Variants in GPC6 observed in about 807,000 individuals in gnomAD.
The protein encoded by GPC6 is glypican 6.
GPC6 carries 14 observed loss-of-function variants against 55.2 expected under a neutral mutation model. The observed-to-expected ratio is 0.25, with a 90% confidence interval of 0.17 to 0.40. The LOEUF (loss-of-function observed/expected upper bound fraction) is 0.40. Among genes scored for constraint, GPC6 ranks in the 10% least tolerant of loss-of-function variants. GPC6 has a pLI of 1.00. For synonymous variants in GPC6, 278 were observed against 259.6 expected, an observed-to-expected ratio of 1.07 and a Z score of -0.68; for missense variants, 641 against 708.5, an observed-to-expected ratio of 0.90 and a Z score of 1.08.
At chr13:93,683,078 A>G (rs1881913265) in intron 2 of GPC6, among the ~76,000 whole-genome samples, 1 of 152,094 alleles carries the variant, frequency 6.6e-6, no homozygotes, top group African/African-American at 2.4e-5. Flanking sequence ...TAAATCCTTA[A>G]TTTCCATGTA....
intron 2 of GPC6, among the ~76,000 whole-genome samples, chr13:93,673,235 T>C (rs1484693272): frequency 6.6e-6 from 1 of 152,182 alleles, no homozygotes; most frequent in Non-Finnish European, 1.5e-5. Flanking sequence ...CTGCTCTCTA[T>C]GGCAAAATGC....
intron 2 of GPC6, among the ~76,000 whole-genome samples, chr13:93,647,988 G>A (rs566343040): frequency 2.6e-5 from 4 of 152,210 alleles, no homozygotes; most frequent in African/African-American, 9.6e-5. Flanking sequence ...CCTTGGAATG[G>A]GCTGTAAGGA....
At chr13:94,300,363 T>C (rs999298650) in intron 5 of GPC6, among the ~76,000 whole-genome samples, 2 of 152,230 alleles carry the variant, frequency 1.3e-5, no homozygotes, top group Non-Finnish European at 2.9e-5. Flanking sequence ...TAAGATGCCC[T>C]AATATTTTTA....
At chr13:94,257,572 G>A (rs1441198263) in intron 4 of GPC6, among the ~76,000 whole-genome samples, 2 of 152,062 alleles carry the variant, frequency 1.3e-5, no homozygotes, top group African/African-American at 4.8e-5. Context: ...TCTCCCCCTA[G>A]TATTCCCTCA....
intron 4 of GPC6, among the ~76,000 whole-genome samples, chr13:94,133,550 T>A: frequency 6.6e-6 from 1 of 152,108 alleles, no homozygotes; most frequent in Non-Finnish European, 1.5e-5. Flanking sequence ...ATAGAGAGCA[T>A]AGGGTAAATA....
At chr13:94,113,041 T>C (rs1886306739) in intron 4 of GPC6, among the ~76,000 whole-genome samples, 1 of 152,118 alleles carries the variant, frequency 6.6e-6, no homozygotes, top group African/African-American at 2.4e-5. Context: ...TCATAAAATG[T>C]TTTTTGAAAG....
At chr13:93,993,295 CT>C (rs545224527) in intron 3 of GPC6, among the ~76,000 whole-genome samples, 291 of 139,724 alleles carry the variant, frequency 2.1e-3, no homozygotes, top group Admixed American at 2.1e-3. Flanking sequence ...TTCTTTCTTT[CT>C]TTTTTTTTTT....
intron 1 of GPC6, among the ~76,000 whole-genome samples, chr13:93,313,752 G>A (rs1879152545): frequency 6.6e-6 from 1 of 151,906 alleles, no homozygotes; most frequent in Non-Finnish European, 1.5e-5. Context: ...CTATAGCCTA[G>A]AATTTCTGGG....
intron 4 of GPC6, among the ~76,000 whole-genome samples, chr13:94,037,273 G>A (rs1005349287): frequency 8.6e-5 from 13 of 151,708 alleles, no homozygotes; most frequent in South Asian, 8.3e-4. Flanking sequence ...TAAAATGTTC[G>A]GCAAGTTCTT....
intron 6 of GPC6, among the ~76,000 whole-genome samples, chr13:94,370,563 A>G (rs964296218): frequency 2.0e-4 from 30 of 152,180 alleles, no homozygotes; most frequent in Admixed American, 1.2e-3. Flanking sequence ...TATTTAACCA[A>G]TGTTTTGGAA....
At chr13:94,132,813 G>T (rs9589910) in intron 4 of GPC6, among the ~76,000 whole-genome samples, 40,575 of 152,030 alleles carry the variant, frequency 0.27, 5,580 homozygotes, top group Non-Finnish European at 0.29. Context: ...ACCAAATACC[G>T]CCTCAGGACC....
chr13:93,936,587 A>T (rs1296540591), intron 3 of GPC6, among the ~76,000 whole-genome samples: 1 of 152,190 alleles, frequency 6.6e-6, no homozygotes, highest in East Asian at 1.9e-4. Flanking sequence ...AATTTTAATT[A>T]CATTATGCAC....
intron 3 of GPC6, among the ~76,000 whole-genome samples, chr13:93,884,003 C>T (rs1875161777): frequency 1.3e-5 from 2 of 152,066 alleles, no homozygotes; most frequent in Non-Finnish European, 2.9e-5. Context: ...TAACAAAAGA[C>T]ACCGAAGTTT....
chr13:93,712,869 T>C (rs1480463549), intron 2 of GPC6, among the ~76,000 whole-genome samples: 1 of 151,614 alleles, frequency 6.6e-6, no homozygotes, highest in Non-Finnish European at 1.5e-5. Flanking sequence ...CTGCTAATAA[T>C]ATATATTTCA....
chr13:93,949,892 G>A (rs1464384832), intron 3 of GPC6, among the ~76,000 whole-genome samples: 1 of 151,914 alleles, frequency 6.6e-6, no homozygotes, highest in Non-Finnish European at 1.5e-5. Flanking sequence ...ACCCCCGGCT[G>A]ATTTTTGTAT....
At chr13:93,833,693 C>A (rs959568095) in intron 3 of GPC6, among the ~76,000 whole-genome samples, 2 of 152,012 alleles carry the variant, frequency 1.3e-5, no homozygotes, top group African/African-American at 4.8e-5. Context: ...CAGAACACAG[C>A]AGTTTGACAC....
intron 1 of GPC6, among the ~76,000 whole-genome samples, chr13:93,326,459 C>T (rs1019044425): frequency 6.6e-6 from 1 of 151,938 alleles, no homozygotes; most frequent in African/African-American, 2.4e-5. Flanking sequence ...CGCACACGCA[C>T]ACACACACAC....
At chr13:93,356,046 G>C (rs931405519) in intron 1 of GPC6, among the ~76,000 whole-genome samples, 17 of 152,064 alleles carry the variant, frequency 1.1e-4, no homozygotes, top group Non-Finnish European at 1.8e-4. Flanking sequence ...GGGAGGAGGA[G>C]TTTAATCCTG....
chr13:93,819,222 C>T (rs1713262878), intron 2 of GPC6, among the ~76,000 whole-genome samples: 1 of 152,108 alleles, frequency 6.6e-6, no homozygotes, highest in Non-Finnish European at 1.5e-5. Context: ...AGGTCCTTAT[C>T]ACTGGCTTTT....
Sources: gnomAD v4.1 joint callset for allele counts (sites outside exome capture counted in the v4.1 genomes callset) on GRCh38, gnomAD v4.1.1 for gene constraint, MANE v1.5 for transcripts, NCBI Gene and HGNC (gene_info 2026-07-23, HGNC 2026-07-21) for gene names.